The following ROBO1 variants were observed in gnomAD, a reference collection of about 807,000 sequenced individuals.
The protein encoded by ROBO1 is roundabout guidance receptor 1.
A neutral mutation model predicts 195.9 loss-of-function variants in ROBO1; 149 were observed. The observed-to-expected ratio is 0.76, with a 90% confidence interval of 0.67 to 0.87. ROBO1 has a LOEUF of 0.87. Among genes scored for constraint, ROBO1 ranks in the 40% least tolerant of loss-of-function variants. ROBO1 has a pLI of 0.00. For missense variants in ROBO1, 1,933 were observed against 2,068.3 expected (o/e 0.93, Z 1.27); for synonymous variants, 816 against 733.2 (o/e 1.11, Z -1.82).
intron 3 of ROBO1, among the ~76,000 whole-genome samples, chr3:79,116,050 A>T (rs2079987904): frequency 6.6e-6 from 1 of 152,130 alleles, no homozygotes; most frequent in Admixed American, 6.5e-5. Context: ...GTTTTGAACT[A>T]ATGACAAATT....
At chr3:78,920,472 C>CT (rs1396473195) in intron 4 of ROBO1, among the ~76,000 whole-genome samples, 2 of 151,240 alleles carry the variant, frequency 1.3e-5, no homozygotes, top group Non-Finnish European at 3.0e-5. Flanking sequence ...GCACGGCTAA[C>CT]TTTTTTTTAT....
intron 3 of ROBO1, among the ~76,000 whole-genome samples, chr3:78,946,576 T>C (rs1342494138): frequency 6.6e-5 from 10 of 152,124 alleles, no homozygotes; most frequent in Admixed American, 5.9e-4. Context: ...ACATGCCAAA[T>C]TGTAAAGACC....
At chr3:79,248,045 A>G (rs1475662094) in intron 2 of ROBO1, among the ~76,000 whole-genome samples, 1 of 152,180 alleles carries the variant, frequency 6.6e-6, no homozygotes. Context: ...CCTGATGTTT[A>G]AAGAAGAGAG....
intron 3 of ROBO1, among the ~76,000 whole-genome samples, chr3:79,111,579 T>G (rs1323536505): frequency 1.3e-5 from 2 of 152,118 alleles, no homozygotes; most frequent in Non-Finnish European, 2.9e-5. Flanking sequence ...ATCATATTCA[T>G]TTCCCAACAC....
At chr3:78,812,238 T>C (rs1303366190) in intron 4 of ROBO1, among the ~76,000 whole-genome samples, 1 of 152,146 alleles carries the variant, frequency 6.6e-6, no homozygotes, top group East Asian at 1.9e-4. Context: ...CTAAATCTCC[T>C]ACTGCAGAGT....
chr3:78,945,977 A>T lies in ROBO1; in HGVS notation c.173-7050T>A, dbSNP rs1279022560. Among the ~76,000 whole-genome samples the T allele has an allele frequency of 2.0e-5, 3 of 152,066 alleles. No homozygotes were observed. In the East Asian group the frequency reaches 5.8e-4, roughly 29 times the overall value. Reference sequence around the variant, plus strand: ...GAAGAGAAGTTTAGAGAAAAAAAAAAAATAAAAAGAAATCAACAAAGCCTC... The same window carrying T: ...GAAGAGAAGTTTAGAGAAAAAAAAATAATAAAAAGAAATCAACAAAGCCTC... On this transcript the variant is annotated intron_variant, in intron 3 of 30. Coordinates refer to ENST00000464233, the MANE Select transcript of ROBO1 (RefSeq NM_002941.4).
intron 2 of ROBO1, among the ~76,000 whole-genome samples, chr3:79,359,685 A>G (rs1224776990): frequency 1.3e-5 from 2 of 152,042 alleles, no homozygotes. Flanking sequence ...TTCAGCATAT[A>G]ATCTAGAAGC....
intron 2 of ROBO1, among the ~76,000 whole-genome samples, chr3:79,555,262 C>G (rs979451609): frequency 6.6e-6 from 1 of 152,128 alleles, no homozygotes; most frequent in African/African-American, 2.4e-5. Context: ...TTGCTGCGCT[C>G]CTAATCTTAG....
intron 1 of ROBO1, among the ~76,000 whole-genome samples, chr3:79,724,586 G>T (rs1702837289): frequency 6.6e-6 from 1 of 152,198 alleles, no homozygotes; most frequent in Non-Finnish European, 1.5e-5. Flanking sequence ...ACAAGGCAAG[G>T]AACTTAGTGC....
intron 2 of ROBO1, among the ~76,000 whole-genome samples, chr3:79,502,414 T>C (rs1282244273): frequency 6.6e-6 from 1 of 152,122 alleles, no homozygotes; most frequent in African/African-American, 2.4e-5. Flanking sequence ...GCTGCTGTAC[T>C]CGATTTCTCG....
chr3:79,259,966 T>C (rs2082908985), intron 2 of ROBO1, among the ~76,000 whole-genome samples: 2 of 152,028 alleles, frequency 1.3e-5, no homozygotes, highest in African/African-American at 2.4e-5. Context: ...CGGAGGCAAA[T>C]GTAGCTTTCC....
intron 4 of ROBO1, among the ~76,000 whole-genome samples, chr3:78,832,006 A>T (rs534872535): frequency 1.1e-5 from 1 of 92,884 alleles, no homozygotes; most frequent in South Asian, 4.5e-4. Flanking sequence ...CAGCCAAACC[A>T]TATCAGGTAT....
At chr3:78,783,889 T>C (rs941914370) in intron 4 of ROBO1, among the ~76,000 whole-genome samples, 12 of 152,166 alleles carry the variant, frequency 7.9e-5, no homozygotes, top group Non-Finnish European at 1.8e-4. Flanking sequence ...GATGTTATTA[T>C]GAATAATACA....
At chr3:78,656,517 G>GT (rs1332380053) in intron 18 of ROBO1, among the ~76,000 whole-genome samples, 6 of 151,570 alleles carry the variant, frequency 4.0e-5, no homozygotes, top group Admixed American at 2.0e-4. Context: ...CACCCAGCTA[G>GT]TTTTTTTGTA....
intron 4 of ROBO1, among the ~76,000 whole-genome samples, chr3:78,920,472 CT>C (rs1396473195): frequency 1.3e-5 from 2 of 151,240 alleles, no homozygotes; most frequent in Admixed American, 6.6e-5. Flanking sequence ...GCACGGCTAA[CT>C]TTTTTTTATT....
At chr3:79,711,931 G>A (rs531056868) in intron 1 of ROBO1, among the ~76,000 whole-genome samples, 3 of 141,738 alleles carry the variant, frequency 2.1e-5, no homozygotes, top group South Asian at 2.4e-4. Flanking sequence ...GGGCGGGTGG[G>A]TGGGGGAGCA....
chr3:78,630,354 G>T (rs1705107782), intron 25 of ROBO1, among the ~76,000 whole-genome samples: 1 of 152,022 alleles, frequency 6.6e-6, no homozygotes, highest in African/African-American at 2.4e-5. Context: ...TTTTATATAA[G>T]AATTTTACTT....
At chr3:79,084,129 C>A (rs1009002624) in intron 3 of ROBO1, among the ~76,000 whole-genome samples, 1 of 152,164 alleles carries the variant, frequency 6.6e-6, no homozygotes, top group Non-Finnish European at 1.5e-5. Context: ...GATTTGAATT[C>A]TGACTTTATC....
chr3:79,146,284 A>G (rs143069085), intron 2 of ROBO1, among the ~76,000 whole-genome samples: 39 of 152,042 alleles, frequency 2.6e-4, no homozygotes, highest in African/African-American at 8.9e-4. Flanking sequence ...AGGGCATCAG[A>G]GTAGTTCCTC....
Sources: gnomAD v4.1 joint callset for allele counts (sites outside exome capture counted in the v4.1 genomes callset) on GRCh38, gnomAD v4.1.1 for gene constraint, MANE v1.5 for transcripts, NCBI Gene and HGNC (gene_info 2026-07-23, HGNC 2026-07-21) for gene names.